RABGAP1: variants seen among roughly 807,000 people sequenced by gnomAD.
RABGAP1 encodes the protein RAB GTPase activating protein 1.
A neutral mutation model predicts 137.6 loss-of-function variants in RABGAP1; 23 were observed. The ratio of observed to expected loss-of-function variants is 0.17; its 90% CI spans 0.12 to 0.24. The LOEUF is 0.24. Among genes scored for constraint, RABGAP1 ranks in the 10% least tolerant of loss-of-function variants. The pLI, the probability that RABGAP1 is intolerant of heterozygous loss-of-function variation, is 1.00. For synonymous variants in RABGAP1, 451 were observed against 450.7 expected (o/e 1.00, Z -0.01); for missense variants, 906 against 1,275.8 (o/e 0.71, Z 4.42).
intron 19 of RABGAP1, 92 bp from the exon 20 acceptor site, chr9:123,089,666 C>A (rs925697586): frequency 7.8e-5 from 74 of 949,984 alleles, no homozygotes; most frequent in Middle Eastern, 2.2e-4. Context: ...TGAGATTGCC[C>A]AGGCCACCAG....
At chr9:123,056,547 A>C (rs149324975) in intron 13 of RABGAP1, among the ~76,000 whole-genome samples, 1 of 144,770 alleles carries the variant, frequency 6.9e-6, no homozygotes, top group Non-Finnish European at 1.5e-5. Context: ...TGGCAGGGTC[A>C]TGGGACAATA....
chr9:122,970,807 A>G (rs887793077), intron 2 of RABGAP1, among the ~76,000 whole-genome samples: 2 of 152,214 alleles, frequency 1.3e-5, no homozygotes, highest in Non-Finnish European at 2.9e-5. Flanking sequence ...CATTTTTGAA[A>G]ATATGATAAC....
intron 2 of RABGAP1, among the ~76,000 whole-genome samples, chr9:122,971,214 C>T (rs1835452641): frequency 6.6e-6 from 1 of 152,190 alleles, no homozygotes; most frequent in Non-Finnish European, 1.5e-5. Context: ...TTAGCTTGGA[C>T]ACTAATTTGG....
At chr9:123,023,305 C>G (rs2031762968) in intron 13 of RABGAP1, among the ~76,000 whole-genome samples, 1 of 152,090 alleles carries the variant, frequency 6.6e-6, no homozygotes, top group Non-Finnish European at 1.5e-5. Context: ...ATCAGCCTCC[C>G]AAGTAGCTGG....
the RABGAP1 span, among the ~76,000 whole-genome samples, chr9:122,932,385 C>G: frequency 6.6e-6 from 1 of 152,204 alleles, no homozygotes; most frequent in Non-Finnish European, 1.5e-5. Flanking sequence ...CTGCTCCCAG[C>G]CTTTCCCTCT....
At chr9:122,957,970 C>T (rs894762566) in intron 2 of RABGAP1, among the ~76,000 whole-genome samples, 4 of 151,704 alleles carry the variant, frequency 2.6e-5, no homozygotes, top group East Asian at 1.9e-4. Flanking sequence ...TCCCCTCTCC[C>T]TGGCAGGTCA....
chr9:122,977,877 G>A (rs1271403891), intron 2 of RABGAP1, among the ~76,000 whole-genome samples: 2 of 152,186 alleles, frequency 1.3e-5, no homozygotes, highest in African/African-American at 4.8e-5. Context: ...TGGCACAGGA[G>A]AGTCTAATAA....
chr9:122,996,439 C>T (rs1837026327), intron 7 of RABGAP1, 100 bp from the exon 8 acceptor site: 1 of 1,214,976 alleles, frequency 8.2e-7, no homozygotes, highest in Non-Finnish European at 1.2e-6. Flanking sequence ...CTAATGTGTT[C>T]TCTTTTCTAT....
At chr9:122,962,780 G>C (rs1235042286) in intron 2 of RABGAP1, among the ~76,000 whole-genome samples, 1 of 152,082 alleles carries the variant, frequency 6.6e-6, no homozygotes, top group East Asian at 1.9e-4. Flanking sequence ...GTAATCAAAA[G>C]GGGAGATACT....
intron 2 of RABGAP1, among the ~76,000 whole-genome samples, chr9:122,965,317 G>A (rs552169202): frequency 2.0e-5 from 3 of 152,116 alleles, no homozygotes; most frequent in Admixed American, 6.6e-5. Flanking sequence ...AGGGCTGGTT[G>A]GAGGAGTCTG....
In RABGAP1 at chr9:123,005,707, A is replaced by G. The variant is rs141167683; in HGVS notation, c.1375-4647A>G. Among the ~76,000 whole-genome samples, 378 of 152,336 alleles carry G rather than the reference A, an allele frequency of 2.5e-3. 1 individual carries two copies. The highest frequency in any genetic ancestry group is 4.1e-3 in the Non-Finnish European group (276 of 68,038). ...TTTCCAGTCGTTTGCTGTTCCAAAT[A>G]ATGTTGCAGTGTGGAATCTTATGTA... is the stretch of plus-strand genomic sequence containing the variant. On this transcript the variant is annotated intron_variant, in intron 10 of 25. Coordinates refer to ENST00000373647, the MANE Select transcript of RABGAP1 (RefSeq NM_012197.4).
intron 21 of RABGAP1, 99 bp downstream of exon 21, chr9:123,090,484 C>T: frequency 1.0e-6 from 1 of 958,396 alleles, no homozygotes; most frequent in African/African-American, 1.7e-5. Flanking sequence ...TTCTAGCCAC[C>T]TGTAAAGTTT....
intron 1 of RABGAP1, among the ~76,000 whole-genome samples, chr9:122,953,052 A>G (rs1463418056): frequency 6.6e-6 from 1 of 152,222 alleles, no homozygotes; most frequent in Non-Finnish European, 1.5e-5. Context: ...AGAATGTGAA[A>G]TTAGGAAATT....
intron 14 of RABGAP1, among the ~76,000 whole-genome samples, chr9:123,067,385 C>T (rs2034211309): frequency 6.6e-6 from 1 of 152,218 alleles, no homozygotes; most frequent in South Asian, 2.1e-4. Context: ...TTCTTTGCTC[C>T]TTGCCTAACG....
At chr9:122,953,613 A>T (rs1156375043) in intron 1 of RABGAP1, among the ~76,000 whole-genome samples, 2 of 152,154 alleles carry the variant, frequency 1.3e-5, no homozygotes, top group Non-Finnish European at 2.9e-5. Context: ...GTTGGCCAGG[A>T]TGGTCTCGAT....
At chr9:123,037,261 T>C (rs1186625273) in intron 13 of RABGAP1, among the ~76,000 whole-genome samples, 2 of 152,242 alleles carry the variant, frequency 1.3e-5, no homozygotes, top group East Asian at 1.9e-4. Flanking sequence ...TTTTAGGCTT[T>C]AGACATCAAC....
At chr9:122,989,571 A>G in intron 5 of RABGAP1, 100 bp downstream of exon 5, 2 of 1,284,654 alleles carry the variant, frequency 1.6e-6, no homozygotes, top group Non-Finnish European at 1.1e-6. Context: ...CATAAGCCAG[A>G]TGAAATTCTC....
chr9:123,063,935 C>G (rs1180695956), intron 13 of RABGAP1, among the ~76,000 whole-genome samples: 1 of 152,188 alleles, frequency 6.6e-6, no homozygotes, highest in Non-Finnish European at 1.5e-5. Flanking sequence ...GACCCCTCTT[C>G]TAACTCTTCA....
intron 10 of RABGAP1, among the ~76,000 whole-genome samples, chr9:123,009,060 T>G (rs1480181674): frequency 3.3e-5 from 5 of 152,200 alleles, no homozygotes; most frequent in South Asian, 2.1e-4. Flanking sequence ...TAAACCAAAG[T>G]TGACAGACAG....
Sources: allele counts gnomAD v4.1 joint callset (sites outside exome capture counted in the v4.1 genomes callset), GRCh38; gene constraint gnomAD v4.1.1; transcripts MANE v1.5; gene names NCBI Gene and HGNC (gene_info 2026-07-23, HGNC 2026-07-21).